The following ADAMTSL2 variants were observed in gnomAD, a reference collection of about 807,000 sequenced individuals.
The protein encoded by ADAMTSL2 is ADAMTS like 2.
ADAMTSL2 carries 55 observed loss-of-function variants against 117.0 expected under a neutral mutation model. The observed-to-expected ratio is 0.47, with a 90% CI of 0.38 to 0.59. The LOEUF is 0.59. Ranked by LOEUF, ADAMTSL2 falls within the 20% of genes least tolerant of loss-of-function variation. The pLI is 0.00. For synonymous variants in ADAMTSL2, 572 were observed against 566.4 expected, an observed-to-expected ratio of 1.01 and a Z score of -0.14; for missense variants, 1,182 against 1,354.5, an observed-to-expected ratio of 0.87 and a Z score of 2.00.
intron 7 of ADAMTSL2, among the ~76,000 whole-genome samples, chr9:133,542,582 A>G (rs752215079): frequency 5.9e-5 from 9 of 152,176 alleles, no homozygotes; most frequent in Admixed American, 5.2e-4. Context: ...CTCCATATTC[A>G]CAAGGTAACT....
At chr9:133,553,522 A>AT (rs1289109918) in intron 9 of ADAMTSL2, among the ~76,000 whole-genome samples, 1 of 152,100 alleles carries the variant, frequency 6.6e-6, no homozygotes, top group Non-Finnish European at 1.5e-5. Context: ...CACTTGAGCT[A>AT]TTGCACCAAT....
At chr9:133,537,298 G>A (rs929352332) in intron 2 of ADAMTSL2, 107 bp from the exon 3 acceptor site, 1 of 1,217,192 alleles carries the variant, frequency 8.2e-7, no homozygotes, top group Non-Finnish European at 1.1e-6. Context: ...CCAGGGGGCT[G>A]TGTCTTCTGG....
intron 12 of ADAMTSL2, among the ~76,000 whole-genome samples, chr9:133,564,779 G>A (rs1830924526): frequency 6.6e-6 from 1 of 151,950 alleles, no homozygotes; most frequent in African/African-American, 2.4e-5. Context: ...CTGTCACTGT[G>A]GGAGGTGCTG....
At chr9:133,543,325 A>G (rs1359242136) in intron 7 of ADAMTSL2, among the ~76,000 whole-genome samples, 3 of 152,254 alleles carry the variant, frequency 2.0e-5, no homozygotes, top group Non-Finnish European at 2.9e-5. Flanking sequence ...AAACAAACAT[A>G]GCTTCAGTCG....
At position 133,545,028 on chromosome 9, in the gene ADAMTSL2, G is replaced by A. The variant is rs543476265; in HGVS notation, c.763+478G>A. Among the ~76,000 whole-genome samples the A allele has an allele frequency of 3.3e-5, 5 of 152,322 alleles. No individual in the cohort carries two copies. The South Asian group carries it at 8.3e-4, about 25-fold the overall frequency. ...TCAGACTCCGCTGGGAGGCTGGGCT[G>A]TAGGAGGGGAGTCCTCTAACCTGAG... On this transcript the variant is annotated intron_variant, in intron 8 of 18. Transcript: ENST00000651351.
At chr9:133,543,933 C>T (rs1167965251) in intron 7 of ADAMTSL2, among the ~76,000 whole-genome samples, 2 of 152,200 alleles carry the variant, frequency 1.3e-5, no homozygotes, top group Non-Finnish European at 2.9e-5. Flanking sequence ...TGATATTGCC[C>T]GATCTGGATC....
chr9:133,540,798 C>A, intron 6 of ADAMTSL2, 55 bp downstream of exon 6: 1 of 1,613,466 alleles, frequency 6.2e-7, no homozygotes, highest in Non-Finnish European at 8.5e-7. Flanking sequence ...GACTGCCCGC[C>A]CGCCTGTGGG....
chr9:133,568,499 G>A lies in ADAMTSL2; in HGVS notation c.2088+13G>A, dbSNP rs1367524802. The A allele has an allele frequency of 2.6e-5, 42 of 1,593,504 alleles. No homozygotes were observed. Among genetic ancestry groups the A allele is most frequent in the South Asian group, 6.8e-5 (6 of 88,242 alleles). On this transcript the variant is annotated intron_variant, in intron 14 of 18. Coordinates refer to ENST00000651351, the MANE Select transcript of ADAMTSL2 (RefSeq NM_014694.4). Reference sequence around the variant, plus strand: ...GGAGTGGTCCGAGGTGAGTGCCTGCGGGAGCAAGCCGGGGGTCGGGAAGAG... The same window carrying A: ...GGAGTGGTCCGAGGTGAGTGCCTGCAGGAGCAAGCCGGGGGTCGGGAAGAG...
At chr9:133,572,181 C>G (rs1157068411) in intron 17 of ADAMTSL2, among the ~76,000 whole-genome samples, 1 of 150,310 alleles carries the variant, frequency 6.7e-6, no homozygotes, top group African/African-American at 2.5e-5. Context: ...CGCCACCCCC[C>G]ACCCCCCACC....
chr9:133,567,397 G>A (rs1236443504), intron 13 of ADAMTSL2, among the ~76,000 whole-genome samples: 1 of 152,236 alleles, frequency 6.6e-6, no homozygotes, highest in Non-Finnish European at 1.5e-5. Context: ...ATAAACTCAA[G>A]GGATTATTCC....
At chr9:133,539,627 G>A (rs1445537388) in intron 4 of ADAMTSL2, 144 bp from the exon 5 acceptor site, 19 of 132,848 alleles carry the variant, frequency 1.4e-4, no homozygotes, top group Admixed American at 5.7e-4. Context: ...AGCCCTAGAG[G>A]CCACCCCGTG....
In ADAMTSL2 at chr9:133,534,847, ACCTGGCG is replaced by A. The variant is rs1451183147; in HGVS notation, c.-218_-212del. 1 of 1,497,452 alleles carries A rather than the reference ACCTGGCG, an allele frequency of 6.7e-7. No homozygotes were observed. Among genetic ancestry groups the A allele is most frequent in the East Asian group, 2.8e-5 (1 of 35,808 alleles). 92.8% of individuals were successfully genotyped at this position (1,497,452 alleles called of 1,614,324 possible). ...CACGCCGCCCCCGCACGCACAGCGC[ACCTGGCG>A]CCGTCTGCCCTCCGCAGCGCTCGCC... On this transcript the variant is annotated 5_prime_UTR_variant, in exon 1 of 19. It introduces an in-frame stop codon into an upstream open reading frame of the 5' UTR. Coordinates refer to ENST00000651351, the MANE Select transcript of ADAMTSL2 (RefSeq NM_014694.4).
chr9:133,563,710 CAGAA>C (rs1264354665), intron 12 of ADAMTSL2, among the ~76,000 whole-genome samples: 1 of 151,264 alleles, frequency 6.6e-6, no homozygotes, highest in Non-Finnish European at 1.5e-5. Flanking sequence ...AACAGGAAAT[CAGAA>C]AGACAGGTTT....
chr9:133,571,672 C>T (rs933861989), intron 17 of ADAMTSL2, among the ~76,000 whole-genome samples: 6 of 152,170 alleles, frequency 3.9e-5, no homozygotes, highest in Non-Finnish European at 2.9e-5. Context: ...ATCAGCCATC[C>T]GTGCCCCTTT....
intron 1 of ADAMTSL2, 67 bp from the exon 2 acceptor site, chr9:133,536,496 C>G: frequency 6.7e-7 from 1 of 1,490,650 alleles, no homozygotes; most frequent in Non-Finnish European, 9.0e-7. Context: ...GCAGGCATTA[C>G]TAATCATTCA....
At chr9:133,573,820 G>T in intron 17 of ADAMTSL2, 23 bp from the exon 18 acceptor site, 1 of 1,613,852 alleles carries the variant, frequency 6.2e-7, no homozygotes, top group Non-Finnish European at 8.5e-7. Flanking sequence ...CTTTCCCCAT[G>T]CCTTCTGTCT....
chr9:133,559,649 GC>G (rs1830683901), intron 11 of ADAMTSL2, among the ~76,000 whole-genome samples: 1 of 150,752 alleles, frequency 6.6e-6, no homozygotes, highest in Non-Finnish European at 1.5e-5. Context: ...ACTGCGCCTG[GC>G]CCCCACCCCC....
rs1830626040 is a variant in ADAMTSL2, at chr9:133,557,388, GC to G, written c.1649+1459del. 6.6e-6 allele frequency among the ~76,000 whole-genome samples: 1 copy of G among 152,150 alleles called. No individual in the cohort carries two copies. Among genetic ancestry groups the G allele is most frequent in the Non-Finnish European group, 1.5e-5 (1 of 68,016 alleles). On this transcript the variant is annotated intron_variant, in intron 11 of 18. Transcript: ENST00000651351. This position sits in a 1 kb window ranked among gnomAD's most constrained non-coding sequence, Gnocchi z 5.2. The stretch of plus-strand genomic sequence containing the variant: ...GAGTGGGGCCTCGGAGCCTCCTCTG[GC>G]TGCCCCTCTTCCCACAGGGGTGGCA...
rs201696662 is a variant in ADAMTSL2 at position 133,565,805 on chromosome 9, C to T, written c.1748-1131C>T. Among the ~76,000 whole-genome samples, 101 of 151,892 alleles carry T rather than the reference C, an allele frequency of 6.6e-4. 2 individuals are homozygous for T. In the East Asian group the frequency reaches 0.019, roughly 28 times the overall value. Reference sequence around the variant, plus strand: ...GCAGCCAAGACCGTTCCATGATGCCCGTCATCCCGGAAGGCTGGGTCTGTC... The same window carrying T: ...GCAGCCAAGACCGTTCCATGATGCCTGTCATCCCGGAAGGCTGGGTCTGTC... On this transcript the variant is annotated intron_variant, in intron 12 of 18. Transcript: ENST00000651351.
Sources: gnomAD v4.1 joint callset for allele counts (sites outside exome capture counted in the v4.1 genomes callset) on GRCh38, gnomAD v4.1.1 for gene constraint, Gnocchi (gnomAD v3.1) non-coding constraint, MANE v1.5 for transcripts, NCBI Gene and HGNC (gene_info 2026-07-23, HGNC 2026-07-21) for gene names.